Variants in AMOTL1 observed in about 807,000 individuals in gnomAD.
AMOTL1 encodes angiomotin-like protein 1.
AMOTL1 carries 45 observed loss-of-function variants against 102.9 expected under a neutral mutation model. The observed-to-expected ratio is 0.44, with a 90% CI of 0.34 to 0.56. The LOEUF is 0.56. AMOTL1 is among the 20% of genes least tolerant of loss of function. The probability of loss-of-function intolerance (pLI) is 0.01; values close to 1 mark genes in which losing one functional copy is unlikely to be tolerated. For synonymous variants in AMOTL1, 481 were observed against 484.7 expected (o/e 0.99, Z 0.10); for missense variants, 1,114 against 1,225.6 (o/e 0.91, Z 1.36).
chr11:94,725,040 G>A (rs569260604), intron 1 of AMOTL1, among the ~76,000 whole-genome samples: 1 of 152,266 alleles, frequency 6.6e-6, no homozygotes, highest in East Asian at 1.9e-4. Context: ...TTTAGATCAA[G>A]TCTTCAGTGC....
At chr11:94,843,383 G>A (rs1254442105) in intron 6 of AMOTL1, among the ~76,000 whole-genome samples, 7 of 152,122 alleles carry the variant, frequency 4.6e-5, no homozygotes, top group Admixed American at 4.6e-4. Flanking sequence ...GGATGTGGGG[G>A]CAGATGTTAA....
chr11:94,863,097 C>T (rs558794554), intron 9 of AMOTL1, among the ~76,000 whole-genome samples: 4 of 152,072 alleles, frequency 2.6e-5, no homozygotes, highest in Admixed American at 6.6e-5. Flanking sequence ...TTGGAAATGT[C>T]ACCTAACCCT....
intron 1 of AMOTL1, among the ~76,000 whole-genome samples, chr11:94,715,779 G>A (rs1311818089): frequency 6.6e-6 from 1 of 151,980 alleles, no homozygotes; most frequent in African/African-American, 2.4e-5. Flanking sequence ...CTGTTTTTAA[G>A]ATTTTGTTTT....
chr11:94,714,556 A>G (rs1950068071), intron 1 of AMOTL1, among the ~76,000 whole-genome samples: 1 of 152,048 alleles, frequency 6.6e-6, no homozygotes, highest in South Asian at 2.1e-4. Context: ...CAATTTTTTA[A>G]ATAGTTGTAG....
Position 94,810,454 on chromosome 11 carries a change from A to T in AMOTL1, c.1121+10143A>T, listed in dbSNP as rs563839353. ...TCTAAACTACTCTCTTTCTTACTTT[A>T]AACACCCCAGAGTAATCTCTGCTAC... On this transcript the variant is annotated intron_variant, in intron 3 of 12. Transcript: ENST00000433060. 4.1e-3 allele frequency among the ~76,000 whole-genome samples: 614 copies of T among 151,336 alleles called. 12 individuals carry two copies. Among genetic ancestry groups the T allele is most frequent in the South Asian group, 0.033 (156 of 4,726 alleles).
At chr11:94,814,800 G>A (rs1951737930) in intron 3 of AMOTL1, among the ~76,000 whole-genome samples, 1 of 152,276 alleles carries the variant, frequency 6.6e-6, no homozygotes, top group Admixed American at 6.5e-5. Flanking sequence ...TAGACATCCT[G>A]TATCTCCGTT....
At chr11:94,782,304 G>A (rs949887238) in intron 1 of AMOTL1, among the ~76,000 whole-genome samples, 2 of 152,166 alleles carry the variant, frequency 1.3e-5, no homozygotes, top group African/African-American at 2.4e-5. Flanking sequence ...GCTTTCAAGT[G>A]AAATTTTAAT....
chr11:94,847,710 G>A (rs1005069876), intron 6 of AMOTL1, among the ~76,000 whole-genome samples: 1 of 143,132 alleles, frequency 7.0e-6, no homozygotes, highest in Non-Finnish European at 1.5e-5. Flanking sequence ...ATATGATACT[G>A]CTTATCAAGC....
intron 6 of AMOTL1, among the ~76,000 whole-genome samples, chr11:94,841,505 G>T (rs944711361): frequency 6.6e-6 from 1 of 152,160 alleles, no homozygotes. Flanking sequence ...TTCAGTGGTG[G>T]TTACAAAAAG....
intron 2 of AMOTL1, among the ~76,000 whole-genome samples, chr11:94,733,834 T>C (rs987960047): frequency 9.9e-5 from 15 of 152,232 alleles, no homozygotes; most frequent in African/African-American, 3.4e-4. Flanking sequence ...AGGGACCTTT[T>C]CTTGTATGTA....
chr11:94,845,532 T>G (rs928475342), intron 6 of AMOTL1, among the ~76,000 whole-genome samples: 1 of 152,264 alleles, frequency 6.6e-6, no homozygotes, highest in Non-Finnish European at 1.5e-5. Context: ...ATTTATCAAG[T>G]ATAGTACTAT....
chr11:94,736,634 T>C (rs554052885), intron 2 of AMOTL1, among the ~76,000 whole-genome samples: 4 of 152,352 alleles, frequency 2.6e-5, no homozygotes, highest in Admixed American at 6.5e-5. Flanking sequence ...TCGCTGCTCC[T>C]AACAATCCAG....
At chr11:94,730,405 T>A (rs1173256003) in intron 2 of AMOTL1, among the ~76,000 whole-genome samples, 1 of 152,210 alleles carries the variant, frequency 6.6e-6, no homozygotes, top group Non-Finnish European at 1.5e-5. Context: ...TTAAGTCATC[T>A]GTTCTGGGAT....
chr11:94,818,164 A>G (rs1000972794), intron 3 of AMOTL1, among the ~76,000 whole-genome samples: 2 of 152,254 alleles, frequency 1.3e-5, no homozygotes, highest in African/African-American at 4.8e-5. Flanking sequence ...TTTCATTGGA[A>G]TGGCATACTT....
chr11:94,867,060 C>T (rs938386444), intron 11 of AMOTL1, among the ~76,000 whole-genome samples: 15 of 152,066 alleles, frequency 9.9e-5, no homozygotes, highest in Non-Finnish European at 8.8e-5. Flanking sequence ...CACATCAGAT[C>T]GTGTTTTTGT....
chr11:94,814,448 C>G (rs145833173), intron 3 of AMOTL1, among the ~76,000 whole-genome samples: 2 of 152,372 alleles, frequency 1.3e-5, no homozygotes, highest in East Asian at 3.9e-4. Context: ...CTTGGCTCCA[C>G]TGCTCAGCCA....
At chr11:94,756,540 G>A (rs568271112) in intron 3 of AMOTL1, among the ~76,000 whole-genome samples, 25 of 152,118 alleles carry the variant, frequency 1.6e-4, no homozygotes, top group Non-Finnish European at 2.9e-4. Context: ...TTTAAAATGC[G>A]GGTCAGGACC....
rs1238527733 is a variant in AMOTL1 at position 94,869,263 on chromosome 11, T to C, written c.2554T>C (p.Ser852Pro). 1.4e-5 allele frequency: 22 copies of C among 1,612,918 alleles called. No individual in the cohort carries two copies. Among genetic ancestry groups the C allele is most frequent in the Non-Finnish European group, 1.9e-5 (22 of 1,179,550 alleles). ...CCCACTGCTGCCACCCCCACCCACCTCAGCACTGTCCTCCATAGCCTCCAC... is the reference window on the plus strand; with the variant it reads ...CCCACTGCTGCCACCCCCACCCACCCCAGCACTGTCCTCCATAGCCTCCAC... ...SAPLLPPPPTSALSSIASTTA... is the reference protein window; with the variant it reads ...SAPLLPPPPTPALSSIASTTA... Residue 852 changes from serine to proline, a missense_variant, in exon 12 of 13, where the codon TCA becomes CCA. By Grantham distance (74) the Ser-to-Pro change is moderately conservative. Transcript: ENST00000433060.
intron 3 of AMOTL1, among the ~76,000 whole-genome samples, chr11:94,746,340 G>A (rs1281033201): frequency 6.6e-6 from 1 of 152,184 alleles, no homozygotes; most frequent in Non-Finnish European, 1.5e-5. Flanking sequence ...GAGAGGGTTA[G>A]AAAGGATGTG....
Sources: gnomAD v4.1 joint callset for allele counts (sites outside exome capture counted in the v4.1 genomes callset) on GRCh38, gnomAD v4.1.1 for gene constraint, MANE v1.5 for transcripts, NCBI Gene and HGNC (gene_info 2026-07-23, HGNC 2026-07-21) for gene names.